The following TENM4 variants were observed in gnomAD, a reference collection of about 807,000 sequenced individuals.
TENM4 encodes teneurin-4.
In TENM4, 82 loss-of-function variants were observed where a neutral mutation model predicts 243.3. That is an observed-to-expected ratio of 0.34 (90% CI 0.28 to 0.40). The LOEUF (loss-of-function observed/expected upper bound fraction) is 0.40, where lower values mean the gene tolerates loss of function less well. TENM4 is among the 10% of genes least tolerant of loss of function. The probability of loss-of-function intolerance (pLI) is 1.00; values close to 1 mark genes in which losing one functional copy is unlikely to be tolerated. For synonymous variants in TENM4, 1,412 were observed against 1,456.3 expected (o/e 0.97, Z 0.69); for missense variants, 3,138 against 3,673.3 (o/e 0.85, Z 3.77).
chr11:78,769,839 C>T (rs1052730129), intron 18 of TENM4, among the ~76,000 whole-genome samples: 3 of 152,254 alleles, frequency 2.0e-5, no homozygotes. Flanking sequence ...ACAGCCCTTT[C>T]TAGGCTGCTG....
chr11:78,877,002 C>A (rs1859283925), intron 9 of TENM4, among the ~76,000 whole-genome samples: 1 of 152,212 alleles, frequency 6.6e-6, no homozygotes, highest in African/African-American at 2.4e-5. Flanking sequence ...ATGCTCAAAA[C>A]ACCACTTAGA....
At chr11:79,085,745 G>GTCACTGTT (rs61530266) in intron 4 of TENM4, among the ~76,000 whole-genome samples, 181 of 151,504 alleles carry the variant, frequency 1.2e-3, no homozygotes, top group African/African-American at 4.2e-3. Context: ...TTTGGCTAAT[G>GTCACTGTT]TAAAACACCA....
intron 6 of TENM4, among the ~76,000 whole-genome samples, chr11:78,912,934 T>A (rs1306864242): frequency 6.6e-6 from 1 of 152,208 alleles, no homozygotes; most frequent in African/African-American, 2.4e-5. Flanking sequence ...CTTATCCCAA[T>A]CAGCGGCTAA....
intron 25 of TENM4, among the ~76,000 whole-genome samples, chr11:78,717,748 C>T (rs950502064): frequency 1.4e-4 from 21 of 152,194 alleles, no homozygotes; most frequent in Non-Finnish European, 8.8e-5. Flanking sequence ...TTTATTTTGT[C>T]CTGCTCAACC....
chr11:78,856,943 G>A (rs1321404012), intron 10 of TENM4, among the ~76,000 whole-genome samples: 1 of 152,118 alleles, frequency 6.6e-6, no homozygotes, highest in Non-Finnish European at 1.5e-5. Flanking sequence ...ATCCATGCAG[G>A]GTGTCATGAG....
intron 2 of TENM4, among the ~76,000 whole-genome samples, chr11:79,283,655 G>T (rs1856198909): frequency 6.6e-6 from 1 of 152,136 alleles, no homozygotes; most frequent in South Asian, 2.1e-4. Context: ...TAGAAACAAG[G>T]CAAGGTGACT....
chr11:78,720,603 G>T (rs1859624421), intron 24 of TENM4, among the ~76,000 whole-genome samples: 1 of 152,190 alleles, frequency 6.6e-6, no homozygotes, highest in African/African-American at 2.4e-5. Context: ...CACAGAAGAG[G>T]CATGGTTTCA....
chr11:79,274,847 C>T (rs1277085300), intron 2 of TENM4, among the ~76,000 whole-genome samples: 1 of 152,182 alleles, frequency 6.6e-6, no homozygotes, highest in East Asian at 1.9e-4. Flanking sequence ...GGCATGGGTG[C>T]TGGGCCCCAC....
At chr11:78,734,475 CTT>C (rs745426294) in intron 20 of TENM4, among the ~76,000 whole-genome samples, 31 of 140,784 alleles carry the variant, frequency 2.2e-4, no homozygotes, top group Admixed American at 2.9e-4. Flanking sequence ...ACTGTTAGAA[CTT>C]TTTTTTTTTT....
At chr11:78,876,991 A>C (rs1859283512) in intron 9 of TENM4, among the ~76,000 whole-genome samples, 1 of 152,194 alleles carries the variant, frequency 6.6e-6, no homozygotes, top group Non-Finnish European at 1.5e-5. Context: ...TCTCTTGCTT[A>C]ATGCTCAAAA....
rs78455425 is a variant in TENM4 at position 78,935,362 on chromosome 11, G to A, written c.494-31839C>T. On this transcript the variant is annotated intron_variant, in intron 6 of 33. Coordinates refer to ENST00000278550, the MANE Select transcript of TENM4 (RefSeq NM_001098816.3). ...TTGAACACTTGGAAAAAAGGAAGGG[G>A]AAGAAGGGCGCTAAACACCTATTAA... is the stretch of plus-strand genomic sequence containing the variant. Among the ~76,000 whole-genome samples, 780 of 152,230 alleles carry A rather than the reference G, an allele frequency of 5.1e-3. 4 individuals are homozygous for A. The highest frequency in any genetic ancestry group is 0.018 in the African/African-American group (746 of 41,528).
intron 9 of TENM4, among the ~76,000 whole-genome samples, chr11:78,878,298 T>C (rs766372379): frequency 1.3e-5 from 2 of 152,202 alleles, no homozygotes; most frequent in African/African-American, 2.4e-5. Flanking sequence ...GTGGCTATGA[T>C]ACTAAGTATG....
Position 78,855,988 on chromosome 11 carries a change from T to G in TENM4, c.1446A>C (p.Lys482Asn). The G allele has an allele frequency of 1.3e-6, 2 of 1,551,604 alleles. No homozygotes were observed. Among genetic ancestry groups the G allele is most frequent in the East Asian group, 4.9e-5 (2 of 40,912 alleles). ...CCTGTGTATGTGAAGGAGGGAGGCC[T>G]TTTCTGCCATAAATGCCAACCAGGG... ...KAALVGIYGR[K>N]GLPPSHTQFD... is the part of the protein sequence containing the mutation. The change falls in exon 11 of 34, where the codon AAA (lysine) becomes AAC (asparagine). Residue 482 changes from lysine to asparagine, a missense_variant. By Grantham distance (94) the Lys-to-Asn change is moderately conservative. Transcript: ENST00000278550.
At chr11:79,243,474 A>G (rs1424904367) in intron 2 of TENM4, among the ~76,000 whole-genome samples, 1 of 152,236 alleles carries the variant, frequency 6.6e-6, no homozygotes, top group African/African-American at 2.4e-5. Context: ...AAAATGAAAC[A>G]CTTCAAAGGG....
intron 6 of TENM4, among the ~76,000 whole-genome samples, chr11:78,997,190 G>A (rs1010255416): frequency 6.6e-6 from 1 of 152,192 alleles, no homozygotes; most frequent in African/African-American, 2.4e-5. Context: ...TGCTCAATAA[G>A]TGACAGACTT....
At chr11:79,295,385 A>G (rs1337474248) in intron 2 of TENM4, among the ~76,000 whole-genome samples, 1 of 152,136 alleles carries the variant, frequency 6.6e-6, no homozygotes, top group African/African-American at 2.4e-5. Context: ...CAACCTGTAA[A>G]GGAAAGGGTT....
intron 2 of TENM4, among the ~76,000 whole-genome samples, chr11:79,284,777 GA>G (rs1229360801): frequency 5.3e-5 from 8 of 151,888 alleles, no homozygotes; most frequent in African/African-American, 1.7e-4. Flanking sequence ...CACAGAATGG[GA>G]AAAAAATTGC....
chr11:78,804,142 C>T (rs1857341011), intron 15 of TENM4, among the ~76,000 whole-genome samples: 2 of 152,136 alleles, frequency 1.3e-5, no homozygotes, highest in Admixed American at 6.5e-5. Context: ...CGTGGAGTGC[C>T]GAGGAAAATG....
chr11:78,987,838 T>G (rs1405963593), intron 6 of TENM4, among the ~76,000 whole-genome samples: 1 of 152,088 alleles, frequency 6.6e-6, no homozygotes, highest in South Asian at 2.1e-4. Context: ...TATTTCTATT[T>G]GATAGATGAA....
Sources: gnomAD v4.1 joint callset for allele counts (sites outside exome capture counted in the v4.1 genomes callset) on GRCh38, gnomAD v4.1.1 for gene constraint, MANE v1.5 for transcripts, NCBI Gene and HGNC (gene_info 2026-07-23, HGNC 2026-07-21) for gene names.